Variants in LAMA4 observed in about 807,000 individuals in gnomAD.
LAMA4 encodes laminin subunit alpha-4.
Under a neutral mutation model 207.1 loss-of-function variants are expected in LAMA4, and 127 were observed. The observed-to-expected ratio is 0.61, with a 90% confidence interval of 0.53 to 0.71. The LOEUF is 0.71. LAMA4 is among the 30% of genes least tolerant of loss of function. LAMA4 has a pLI of 0.00. For synonymous variants in LAMA4, 761 were observed against 816.0 expected (o/e 0.93, Z 1.15); for missense variants, 2,093 against 2,246.5 (o/e 0.93, Z 1.38).
intron 2 of LAMA4, among the ~76,000 whole-genome samples, chr6:112,226,274 T>C (rs1785205769): frequency 6.6e-6 from 1 of 152,228 alleles, no homozygotes; most frequent in South Asian, 2.1e-4. Context: ...TACATGAATA[T>C]GTAAAATTCC....
chr6:112,194,301 A>G (rs2114975539), intron 5 of LAMA4, among the ~76,000 whole-genome samples: 1 of 152,352 alleles, frequency 6.6e-6, no homozygotes, highest in African/African-American at 2.4e-5. Context: ...GCCCAAGCTC[A>G]TAGAGGTCAG....
intron 18 of LAMA4, among the ~76,000 whole-genome samples, 197 bp downstream of exon 18, chr6:112,147,960 T>G (rs1443825991): frequency 6.6e-6 from 1 of 152,242 alleles, no homozygotes; most frequent in Non-Finnish European, 1.5e-5. Context: ...AATATATGTA[T>G]GTTTCTCATA....
intron 5 of LAMA4, chr6:112,196,325 C>T (rs1245843710): frequency 1.4e-5 from 2 of 141,884 alleles, no homozygotes; most frequent in African/African-American, 2.9e-5. Flanking sequence ...CTATCCTTCC[C>T]CCATCACTTA....
chr6:112,222,763 G>A (rs955869848), intron 2 of LAMA4, among the ~76,000 whole-genome samples: 1 of 152,104 alleles, frequency 6.6e-6, no homozygotes, highest in Non-Finnish European at 1.5e-5. Context: ...CAACAGCCTT[G>A]GCGTGTGTTG....
rs147532237 is a variant in LAMA4, at chr6:112,128,279, T to C, written c.4287+643A>G. Among the ~76,000 whole-genome samples the C allele has an allele frequency of 6.8e-3, 1,036 of 152,272 alleles. 8 individuals carry two copies. Among genetic ancestry groups the C allele is most frequent in the African/African-American group, 0.024 (995 of 41,542 alleles). Reference sequence around the variant, plus strand: ...GACTGTTCATTGGAACAAGAACTGATGCAACAAACGCGGATGAGCCTGGAG... The same window carrying C: ...GACTGTTCATTGGAACAAGAACTGACGCAACAAACGCGGATGAGCCTGGAG... On this transcript the variant is annotated intron_variant, in intron 31 of 38. Transcript: ENST00000230538.
chr6:112,120,551 G>A (rs1200196088), intron 32 of LAMA4, 79 bp from the exon 33 acceptor site: 19 of 1,120,026 alleles, frequency 1.7e-5, no homozygotes, highest in Non-Finnish European at 2.4e-5. Flanking sequence ...ATAATACAGT[G>A]TAAGGAAGAA....
intron 2 of LAMA4, chr6:112,234,163 T>C (rs1296384272): frequency 1.3e-5 from 2 of 152,158 alleles, no homozygotes; most frequent in Non-Finnish European, 2.9e-5. Context: ...CAAATTTTTT[T>C]TTTTATTTTT....
At chr6:112,116,271 G>A (rs1778014276) in intron 35 of LAMA4, among the ~76,000 whole-genome samples, 1 of 152,118 alleles carries the variant, frequency 6.6e-6, no homozygotes, top group South Asian at 2.1e-4. Flanking sequence ...TTAATTCCAA[G>A]TAGCAGCAGC....
chr6:112,174,690 A>G (rs1297048331), intron 11 of LAMA4, among the ~76,000 whole-genome samples: 1 of 152,134 alleles, frequency 6.6e-6, no homozygotes, highest in Non-Finnish European at 1.5e-5. Context: ...ATGGGGTTTC[A>G]CCACACTGGC....
rs530906240 is a variant in LAMA4, at chr6:112,148,284, G to A, written c.2226C>T (p.Asn742=). ...CCTGCTGCACCTCCATCGTCGTCCTGTTGGCTTCCTCGGTGATCAGTCTAG... is the reference window on the plus strand; with the variant it reads ...CCTGCTGCACCTCCATCGTCGTCCTATTGGCTTCCTCGGTGATCAGTCTAG... ...GQSRLITEEA[N]RTTMEVQQAT... is the part of the protein sequence containing the mutation. The change falls in exon 18 of 39, where the codon AAC becomes AAT. Residue 742 remains asparagine (N), a synonymous_variant. Coordinates refer to ENST00000230538, the MANE Select transcript of LAMA4 (RefSeq NM_001105206.3). The A allele has an allele frequency of 2.0e-5, 32 of 1,614,204 alleles. No individual in the cohort carries two copies. The East Asian group carries it at 6.5e-4, about 33-fold the overall frequency.
Position 112,134,567 on chromosome 6 carries a change from C to T in LAMA4, c.3457G>A (p.Val1153Ile). Reference sequence around the variant, plus strand: ...ATGCTCTTGACATGCCTTCTGTCAACTACCAAGATCATTTTCTTATCATTG... The same window carrying T: ...ATGCTCTTGACATGCCTTCTGTCAATTACCAAGATCATTTTCTTATCATTG... ...YHNDKKMILV[V>I]DRRHVKSMDN... is the part of the protein sequence containing the mutation. Residue 1153 changes from valine to isoleucine, a missense_variant, in exon 26 of 39, where the codon GTT becomes ATT. By Grantham distance (29) the Val-to-Ile change is conservative (BLOSUM62 3). This residue lies in a region of LAMA4 where 1,704 missense variants were observed against 1,788.4 expected (regional missense o/e 0.95). Transcript: ENST00000230538. 6.2e-7 allele frequency: 1 copy of T among 1,610,550 alleles called. No homozygotes were observed.
chr6:112,157,689 A>C (rs1383098367), intron 14 of LAMA4, among the ~76,000 whole-genome samples: 1 of 152,240 alleles, frequency 6.6e-6, no homozygotes, highest in Non-Finnish European at 1.5e-5. Context: ...ATGTAGGTAC[A>C]AAATGACAAA....
chr6:112,114,529 TA>T, intron 37 of LAMA4, 133 bp downstream of exon 37: 1 of 731,142 alleles, frequency 1.4e-6, no homozygotes, highest in Non-Finnish European at 2.5e-6. Context: ...AATAGTATAA[TA>T]ACATGATTTT....
At chr6:112,139,593 A>C (rs1021478155) in intron 23 of LAMA4, among the ~76,000 whole-genome samples, 159 bp downstream of exon 23, 2 of 152,244 alleles carry the variant, frequency 1.3e-5, no homozygotes, top group Non-Finnish European at 2.9e-5. Context: ...CATCTATGAT[A>C]GAGAACAGGT....
chr6:112,131,218 T>G, intron 28 of LAMA4, 117 bp from the exon 29 acceptor site: 1 of 923,760 alleles, frequency 1.1e-6, no homozygotes, highest in African/African-American at 1.6e-5. Flanking sequence ...GGAAATTTGC[T>G]TGTAAAATAA....
intron 2 of LAMA4, among the ~76,000 whole-genome samples, chr6:112,242,695 A>G (rs1004457640): frequency 2.0e-5 from 3 of 152,204 alleles, no homozygotes; most frequent in Non-Finnish European, 4.4e-5. Flanking sequence ...CAGCGCATTT[A>G]GACACTAGTG....
intron 2 of LAMA4, among the ~76,000 whole-genome samples, chr6:112,220,555 C>A (rs1784867967): frequency 6.6e-6 from 1 of 151,946 alleles, no homozygotes; most frequent in South Asian, 2.1e-4. Context: ...GAATTATTTC[C>A]AGAGGTTTAT....
chr6:112,182,787 A>G (rs1481408689), intron 9 of LAMA4, among the ~76,000 whole-genome samples: 2 of 152,206 alleles, frequency 1.3e-5, no homozygotes, highest in Admixed American at 6.5e-5. Flanking sequence ...CTTGTAGCCC[A>G]GTGACACTCT....
intron 35 of LAMA4, among the ~76,000 whole-genome samples, chr6:112,116,722 C>T (rs587647235): frequency 6.6e-6 from 1 of 152,078 alleles, no homozygotes; most frequent in Non-Finnish European, 1.5e-5. Context: ...TTTAATGTAT[C>T]CTATAAATCA....
Sources: gnomAD v4.1 joint callset for allele counts (sites outside exome capture counted in the v4.1 genomes callset) on GRCh38, gnomAD v4.1.1 for gene constraint, gnomAD v4.1.1 regional missense constraint, MANE v1.5 for transcripts, NCBI Gene and HGNC (gene_info 2026-07-23, HGNC 2026-07-21) for gene names.